Variants in DEFB104B observed in about 807,000 individuals in gnomAD.
DEFB104B encodes the protein beta-defensin 104.
chr8:7,473,187 G>A, intron 1 of DEFB104B, among the ~76,000 whole-genome samples: 1 of 55,182 alleles, frequency 1.8e-5, no homozygotes. Flanking sequence ...AGAAAGGTGG[G>A]ACAATTCAAA....
In DEFB104B at chr8:7,474,346, C is replaced by T. The variant is rs549827951; in HGVS notation, c.58+665G>A. ...AAGGGAATTAGATTAGGTGCTCACT[C>T]ATATCCATTGCAAATATATTAAGAA... On this transcript the variant is annotated intron_variant, in intron 1 of 1. Transcript: ENST00000316169. Among the ~76,000 whole-genome samples the T allele has an allele frequency of 4.2e-4, 60 of 144,324 alleles. 1 individual carries two copies. The highest frequency in any genetic ancestry group is 1.5e-3 in the African/African-American group (60 of 39,212). The allele number at this position is 144,324 out of a possible 152,430, so 94.7% of individuals were successfully genotyped here.
intron 1 of DEFB104B, 108 bp downstream of exon 1, chr8:7,474,903 A>G (rs1811073544): frequency 2.3e-6 from 1 of 443,252 alleles, no homozygotes; most frequent in African/African-American, 2.1e-5. Flanking sequence ...CTGAGATTGA[A>G]GAAGGTTACT....
rs541268843 is a variant in DEFB104B at position 7,474,212 on chromosome 8, C to T, written c.58+799G>A. On this transcript the variant is annotated intron_variant, in intron 1 of 1. Transcript: ENST00000316169. Reference sequence around the variant, plus strand: ...GGAAGAGAAGATCCGATGGCTTCTACGAGTCAAAACAATTGGTTTCGTCCC... The same window carrying T: ...GGAAGAGAAGATCCGATGGCTTCTATGAGTCAAAACAATTGGTTTCGTCCC... Among the ~76,000 whole-genome samples the T allele has an allele frequency of 1.9e-3, 269 of 144,286 alleles. 2 individuals are homozygous for T. The highest frequency in any genetic ancestry group is 6.3e-3 in the African/African-American group (247 of 39,208). 94.7% of individuals were successfully genotyped at this position (144,286 alleles called of 152,430 possible).
chr8:7,471,189 T>G (rs1392670343), intron 1 of DEFB104B, among the ~76,000 whole-genome samples: 14 of 145,232 alleles, frequency 9.6e-5, no homozygotes, highest in African/African-American at 1.8e-4. Flanking sequence ...TACACATATA[T>G]AGAGAGAGAT....
At chr8:7,471,269 T>C (rs1384814077) in intron 1 of DEFB104B, among the ~76,000 whole-genome samples, 12 of 123,366 alleles carry the variant, frequency 9.7e-5, no homozygotes, top group African/African-American at 3.7e-4. Flanking sequence ...CTATTCTCAT[T>C]CGAACTATGA....
chr8:7,472,062 G>T (rs1334824314), intron 1 of DEFB104B, among the ~76,000 whole-genome samples: 3 of 150,706 alleles, frequency 2.0e-5, no homozygotes, highest in East Asian at 3.9e-4. Context: ...GGGTGATGAG[G>T]AAAGACTGTT....
At position 7,472,836 on chromosome 8, in the gene DEFB104B, G is replaced by GTTT. The variant is rs372274885; in HGVS notation, c.58+2172_58+2174dup. Among the ~76,000 whole-genome samples, 302 of 130,450 alleles carry GTTT rather than the reference G, an allele frequency of 2.3e-3. 17 individuals are homozygous for GTTT. The highest frequency in any genetic ancestry group is 8.2e-3 in the African/African-American group (254 of 31,002). The allele number at this position is 130,450 out of a possible 152,430, so 85.6% of individuals were successfully genotyped here. ...AATCAATACGTGTAAGATTTGCTTT[G>GTTT]TTTTTTTTGTTTGTTTGTTTGTTTG... On this transcript the variant is annotated intron_variant, in intron 1 of 1. Transcript: ENST00000316169.
At chr8:7,472,944 C>A (rs1407676459) in intron 1 of DEFB104B, among the ~76,000 whole-genome samples, 51 of 115,784 alleles carry the variant, frequency 4.4e-4, no homozygotes, top group Non-Finnish European at 8.1e-4. Context: ...GCAACCTCCA[C>A]CTCTTGGGTT....
chr8:7,474,199 C>A lies in DEFB104B; in HGVS notation c.58+812G>T, dbSNP rs189151021. Among the ~76,000 whole-genome samples the A allele has an allele frequency of 6.0e-3, 863 of 142,944 alleles. 2 individuals are homozygous for A. The highest frequency in any genetic ancestry group is 0.021 in the African/African-American group (820 of 38,354). 93.8% of individuals were successfully genotyped at this position (142,944 alleles called of 152,430 possible). A position where few individuals can be genotyped will look rare whatever the true frequency, so the allele number is the denominator to read the frequency against. The stretch of plus-strand genomic sequence containing the variant: ...GACTGAGCAGCTTGGAAGAGAAGAT[C>A]CGATGGCTTCTACGAGTCAAAACAA... On this transcript the variant is annotated intron_variant, in intron 1 of 1. Transcript: ENST00000316169.
chr8:7,470,898 G>A (rs1469669018), intron 1 of DEFB104B, among the ~76,000 whole-genome samples: 9 of 130,264 alleles, frequency 6.9e-5, no homozygotes, highest in African/African-American at 2.3e-4. Context: ...AACTCTCGCC[G>A]GCTTCCCTTC....
chr8:7,471,184 A>G (rs2740021), intron 1 of DEFB104B, among the ~76,000 whole-genome samples: 8 of 142,548 alleles, frequency 5.6e-5, no homozygotes, highest in Non-Finnish European at 9.3e-5. Context: ...ATATATACAC[A>G]TATATAGAGA....
intron 1 of DEFB104B, among the ~76,000 whole-genome samples, chr8:7,472,930 C>T (rs1293501351): frequency 1.7e-5 from 2 of 117,946 alleles, no homozygotes; most frequent in African/African-American, 6.8e-5. Flanking sequence ...GATCTCAGCT[C>T]ACTGCAACCT....
chr8:7,470,820 C>T (rs1327368763), intron 1 of DEFB104B, among the ~76,000 whole-genome samples: 6 of 122,280 alleles, frequency 4.9e-5, no homozygotes, highest in Non-Finnish European at 6.8e-5. Flanking sequence ...CCAAAGCAAT[C>T]GTGATCTGAT....
chr8:7,473,654 G>GC (rs1811032337), intron 1 of DEFB104B, among the ~76,000 whole-genome samples: 2 of 98,590 alleles, frequency 2.0e-5, no homozygotes, highest in African/African-American at 6.3e-5. Flanking sequence ...TATCTGAGGG[G>GC]CTGACAGTGT....
Position 7,474,176 on chromosome 8 carries a change from C to T in DEFB104B, c.58+835G>A, listed in dbSNP as rs1439094684. On this transcript the variant is annotated intron_variant, in intron 1 of 1. Coordinates refer to ENST00000316169, the MANE Select transcript of DEFB104B (RefSeq NM_001040702.1). ...GTCTGTCAAAGCCCCATAAAATTGA[C>T]TGAGCAGCTTGGAAGAGAAGATCCG... Among the ~76,000 whole-genome samples, 810 of 141,876 alleles carry T rather than the reference C, an allele frequency of 5.7e-3. 3 individuals are homozygous for T. Among genetic ancestry groups the T allele is most frequent in the African/African-American group, 0.02 (768 of 38,020 alleles). The allele number at this position is 141,876 out of a possible 152,430, so 93.1% of individuals were successfully genotyped here.
intron 1 of DEFB104B, among the ~76,000 whole-genome samples, chr8:7,472,543 G>C (rs1810990812): frequency 7.3e-6 from 1 of 136,330 alleles, no homozygotes; most frequent in Non-Finnish European, 1.5e-5. Context: ...CTAAGGCTGA[G>C]TAATAAACAT....
Position 7,472,170 on chromosome 8 carries a change from A to G in DEFB104B, c.59-1654T>C, listed in dbSNP as rs1386698256. ...GCTGCAGTGTGTATCATGCTGAGGGAGTAGGTGGAGGTTGAGTAGCAGATA... is the reference window on the plus strand; with the variant it reads ...GCTGCAGTGTGTATCATGCTGAGGGGGTAGGTGGAGGTTGAGTAGCAGATA... On this transcript the variant is annotated intron_variant, in intron 1 of 1. Transcript: ENST00000316169. 2.0e-4 allele frequency among the ~76,000 whole-genome samples: 28 copies of G among 137,240 alleles called. No individual in the cohort carries two copies. In the East Asian group the frequency reaches 5.9e-3, roughly 29 times the overall value. The allele number at this position is 137,240 out of a possible 152,430, so 90.0% of individuals were successfully genotyped here. A position where few individuals can be genotyped will look rare whatever the true frequency, so the allele number is the denominator to read the frequency against.
intron 1 of DEFB104B, among the ~76,000 whole-genome samples, chr8:7,471,658 C>T (rs1374022154): frequency 2.2e-3 from 125 of 57,726 alleles, no homozygotes; most frequent in African/African-American, 9.4e-3. Flanking sequence ...GAGAGAGTCT[C>T]GCTGGAGAGA....
At position 7,472,705 on chromosome 8, in the gene DEFB104B, A is replaced by G. The variant is rs2128878001; in HGVS notation, c.59-2189T>C. Among the ~76,000 whole-genome samples the G allele has an allele frequency of 1.5e-5, 2 of 131,828 alleles. 1 individual carries two copies. The highest frequency in any genetic ancestry group is 5.7e-4 in the South Asian group (2 of 3,514). 86.5% of individuals were successfully genotyped at this position (131,828 alleles called of 152,430 possible). Reference sequence around the variant, plus strand: ...TAGAAAGTTTATTTTGTCAAGGTTGAGGACACACCTGTGACACAACCTCAG... The same window carrying G: ...TAGAAAGTTTATTTTGTCAAGGTTGGGGACACACCTGTGACACAACCTCAG... On this transcript the variant is annotated intron_variant, in intron 1 of 1. Coordinates refer to ENST00000316169, the MANE Select transcript of DEFB104B (RefSeq NM_001040702.1).
Sources: allele counts gnomAD v4.1 joint callset (sites outside exome capture counted in the v4.1 genomes callset), GRCh38; gene constraint gnomAD v4.1.1; transcripts MANE v1.5; gene names NCBI Gene and HGNC (gene_info 2026-07-23, HGNC 2026-07-21).